Variants in RAB38 observed in about 807,000 individuals in gnomAD.
RAB38 encodes ras-related protein Rab-38.
A neutral mutation model predicts 18.4 loss-of-function variants in RAB38; 15 were observed. The ratio of observed to expected loss-of-function variants is 0.82; its 90% CI spans 0.55 to 1.26. The LOEUF (loss-of-function observed/expected upper bound fraction) is 1.26, where lower values mean the gene tolerates loss of function less well. Ranked by LOEUF, RAB38 falls within the 50% of genes most tolerant of loss-of-function variation. The pLI is 0.00. For missense variants in RAB38, 294 were observed against 267.4 expected, an observed-to-expected ratio of 1.10 and a Z score of -0.69; for synonymous variants, 101 against 104.4, an observed-to-expected ratio of 0.97 and a Z score of 0.20.
chr11:87,837,451 C>G, the RAB38 span, among the ~76,000 whole-genome samples: 1 of 152,134 alleles, frequency 6.6e-6, no homozygotes. Context: ...ACATCTAGAG[C>G]TCTCGAATGT....
At chr11:88,073,648 G>A in the RAB38 span, among the ~76,000 whole-genome samples, 5 of 151,904 alleles carry the variant, frequency 3.3e-5, no homozygotes, top group Admixed American at 3.3e-4. Flanking sequence ...ACAACAGCAA[G>A]CAAGAAATTG....
the RAB38 span, among the ~76,000 whole-genome samples, chr11:87,922,827 G>A: frequency 3.3e-5 from 5 of 151,616 alleles, no homozygotes; most frequent in East Asian, 9.8e-4. Context: ...AAAAGGGAGG[G>A]AGGGGAGGAA....
At chr11:87,886,312 T>A in the RAB38 span, among the ~76,000 whole-genome samples, 1 of 147,052 alleles carries the variant, frequency 6.8e-6, no homozygotes, top group African/African-American at 2.7e-5. Flanking sequence ...CGGACTATGT[T>A]GTGAGTGTGT....
the RAB38 span, among the ~76,000 whole-genome samples, chr11:87,922,332 T>C: frequency 6.6e-6 from 1 of 152,022 alleles, no homozygotes; most frequent in Non-Finnish European, 1.5e-5. Flanking sequence ...ATTTCACATT[T>C]ATTAATTAAA....
chr11:88,106,991 C>T, the RAB38 span, among the ~76,000 whole-genome samples: 2 of 152,138 alleles, frequency 1.3e-5, no homozygotes, highest in Non-Finnish European at 2.9e-5. Flanking sequence ...GATAAAGAGG[C>T]ACACTCTAAA....
In RAB38 at chr11:88,154,603, C is replaced by T. The variant is rs58690819; in HGVS notation, c.203-4648G>A. Among the ~76,000 whole-genome samples, 869 of 152,360 alleles carry T rather than the reference C, an allele frequency of 5.7e-3. 4 individuals carry two copies. Among genetic ancestry groups the T allele is most frequent in the African/African-American group, 0.02 (832 of 41,588 alleles). On this transcript the variant is annotated intron_variant, in intron 1 of 2. Transcript: ENST00000243662. Reference sequence around the variant, plus strand: ...CACTTGCCTGGACCAGCAGCCTGAGCTGCCCCACCTGTGACAGACATAGAT... The same window carrying T: ...CACTTGCCTGGACCAGCAGCCTGAGTTGCCCCACCTGTGACAGACATAGAT...
At chr11:87,940,246 A>G in the RAB38 span, among the ~76,000 whole-genome samples, 29,776 of 151,778 alleles carry the variant, frequency 0.2, 3,318 homozygotes, top group South Asian at 0.38. Context: ...CTCTGTTCAC[A>G]AATTAGCCAG....
At chr11:87,936,961 A>G in the RAB38 span, among the ~76,000 whole-genome samples, 2 of 151,906 alleles carry the variant, frequency 1.3e-5, no homozygotes, top group Non-Finnish European at 2.9e-5. Flanking sequence ...ATGCATTTTC[A>G]TTTCTTTCCT....
In RAB38 at chr11:88,149,831, G is replaced by C; in HGVS notation, c.327C>G (p.Asp109Glu). The change falls in exon 2 of 3, where the codon GAC (aspartate) becomes GAG (glutamate). Residue 109 changes from aspartate to glutamate, a missense_variant. Coordinates refer to ENST00000243662, the MANE Select transcript of RAB38 (RefSeq NM_022337.3). ...TGCCATTAGGGAGACTTAACTTGGA[G>C]TCCAAATCATTTTTCCACTTTGCCA... is the stretch of plus-strand genomic sequence containing the variant. ...EAVAKWKNDL[D>E]SKLSLPNGKP... 1.2e-6 allele frequency: 2 copies of C among 1,614,014 alleles called. No individual in the cohort carries two copies. The highest frequency in any genetic ancestry group is 1.3e-5 in the African/African-American group (1 of 75,014).
chr11:87,868,242 C>T, the RAB38 span, among the ~76,000 whole-genome samples: 1 of 151,482 alleles, frequency 6.6e-6, no homozygotes, highest in Admixed American at 6.6e-5. Context: ...TCTATTGGTT[C>T]CCACAAGAGC....
the RAB38 span, among the ~76,000 whole-genome samples, chr11:87,877,654 A>G: frequency 1.3e-5 from 2 of 151,478 alleles, no homozygotes; most frequent in African/African-American, 2.4e-5. Context: ...TGGTGCCTCC[A>G]TAGTTACGCC....
chr11:88,041,103 A>T, the RAB38 span, among the ~76,000 whole-genome samples: 1 of 152,190 alleles, frequency 6.6e-6, no homozygotes, highest in Non-Finnish European at 1.5e-5. Flanking sequence ...CATTGCTAGG[A>T]TATTTTTATT....
chr11:88,040,850 T>G, the RAB38 span, among the ~76,000 whole-genome samples: 1 of 152,240 alleles, frequency 6.6e-6, no homozygotes, highest in African/African-American at 2.4e-5. Flanking sequence ...ACTTGCCATG[T>G]TGCACGAATG....
At chr11:87,904,315 A>T in the RAB38 span, among the ~76,000 whole-genome samples, 3 of 151,722 alleles carry the variant, frequency 2.0e-5, no homozygotes, top group Non-Finnish European at 2.9e-5. Flanking sequence ...AATGTTTAGC[A>T]GCCACTTAAA....
At chr11:87,832,192 A>T in the RAB38 span, among the ~76,000 whole-genome samples, 22 of 152,334 alleles carry the variant, frequency 1.4e-4, no homozygotes, top group African/African-American at 5.1e-4. Context: ...ATGGTGAAAT[A>T]AACAGACACT....
At chr11:88,152,387 A>G (rs1247354768) in intron 1 of RAB38, among the ~76,000 whole-genome samples, 1 of 152,216 alleles carries the variant, frequency 6.6e-6, no homozygotes, top group Non-Finnish European at 1.5e-5. Flanking sequence ...TACATAGGCT[A>G]TAACTTCATA....
chr11:88,093,651 AG>A, the RAB38 span, among the ~76,000 whole-genome samples: 2 of 151,888 alleles, frequency 1.3e-5, no homozygotes, highest in African/African-American at 2.4e-5. Flanking sequence ...ACAGCCAGAA[AG>A]GGCTTTCTAA....
At chr11:87,918,857 A>G in the RAB38 span, among the ~76,000 whole-genome samples, 1 of 151,736 alleles carries the variant, frequency 6.6e-6, no homozygotes, top group Non-Finnish European at 1.5e-5. Context: ...TTTCCTGTGC[A>G]AGAGCTTTTG....
chr11:87,880,608 GA>G, the RAB38 span, among the ~76,000 whole-genome samples: 1 of 151,800 alleles, frequency 6.6e-6, no homozygotes, highest in East Asian at 2.0e-4. Context: ...CAGTTTTGGG[GA>G]GAAGAGTCAC....
Sources: gnomAD v4.1 joint callset for allele counts (sites outside exome capture counted in the v4.1 genomes callset) on GRCh38, gnomAD v4.1.1 for gene constraint, MANE v1.5 for transcripts, NCBI Gene and HGNC (gene_info 2026-07-23, HGNC 2026-07-21) for gene names.